Variants in ZNF492 observed in about 807,000 individuals in gnomAD.
The protein encoded by ZNF492 is zinc finger protein 115 (Y20).
ZNF492 carries 3 observed loss-of-function variants against 6.4 expected under a neutral mutation model. That is an observed-to-expected ratio of 0.47 (90% CI 0.21 to 1.22). ZNF492 has a LOEUF of 1.22. ZNF492 is among the 50% of genes most tolerant of loss of function. ZNF492 has a pLI of 0.22. For synonymous variants in ZNF492, 112 were observed against 205.3 expected, an observed-to-expected ratio of 0.55 and a Z score of 3.89; for missense variants, 356 against 612.5, an observed-to-expected ratio of 0.58 and a Z score of 4.42.
intron 1 of ZNF492, among the ~76,000 whole-genome samples, chr19:22,646,092 GC>G (rs1971874748): frequency 6.6e-6 from 1 of 152,030 alleles, no homozygotes; most frequent in Non-Finnish European, 1.5e-5. Flanking sequence ...ATAACATTGA[GC>G]CCATAAATTA....
At chr19:22,654,758 T>C (rs532353193) in intron 3 of ZNF492, among the ~76,000 whole-genome samples, 17 of 151,382 alleles carry the variant, frequency 1.1e-4, no homozygotes, top group African/African-American at 4.1e-4. Context: ...CGAGCCACCA[T>C]GCCTGACTAA....
At chr19:22,659,701 T>A (rs1420726804) in intron 3 of ZNF492, among the ~76,000 whole-genome samples, 2 of 148,076 alleles carry the variant, frequency 1.4e-5, no homozygotes, top group African/African-American at 5.0e-5. Flanking sequence ...AGTCTCACTC[T>A]GTGTCCCAGG....
At chr19:22,648,228 T>A (rs1299482516) in intron 1 of ZNF492, among the ~76,000 whole-genome samples, 1 of 152,194 alleles carries the variant, frequency 6.6e-6, no homozygotes, top group African/African-American at 2.4e-5. Context: ...CAGGAGCAGA[T>A]TGTTCATTTT....
Position 22,634,342 on chromosome 19 carries a change from A to G in ZNF492, c.-226A>G. On this transcript the variant is annotated 5_prime_UTR_variant, in exon 1 of 4. Coordinates refer to ENST00000456783, the MANE Select transcript of ZNF492 (RefSeq NM_020855.3). The stretch of plus-strand genomic sequence containing the variant: ...TGGCGGGGTCTTTGTCTCTCGCTGC[A>G]GTCGGAGTATGGTCTAGTGTTCGCT... 4 of 998,458 alleles carry G rather than the reference A, an allele frequency of 4.0e-6. No homozygotes were observed. Among genetic ancestry groups the G allele is most frequent in the South Asian group, 2.7e-5 (2 of 72,936 alleles). The allele number at this position is 998,458 out of a possible 1,614,324, so 61.8% of individuals were successfully genotyped here. A position where few individuals can be genotyped will look rare whatever the true frequency, so the allele number is the denominator to read the frequency against.
At chr19:22,651,690 T>A (rs1306822316) in intron 1 of ZNF492, among the ~76,000 whole-genome samples, 5 of 152,036 alleles carry the variant, frequency 3.3e-5, no homozygotes, top group Non-Finnish European at 2.9e-5. Context: ...AAGGTGTAGA[T>A]ACTCAAGATT....
intron 3 of ZNF492, among the ~76,000 whole-genome samples, chr19:22,655,209 G>A (rs982797431): frequency 5.9e-5 from 9 of 151,552 alleles, no homozygotes; most frequent in Non-Finnish European, 7.4e-5. Context: ...CGGAAGAATC[G>A]CTTGAACCTG....
At chr19:22,647,257 G>GTTTTTTTTTTTTTTTT (rs777750378) in intron 1 of ZNF492, among the ~76,000 whole-genome samples, 1 of 140,274 alleles carries the variant, frequency 7.1e-6, no homozygotes, top group African/African-American at 2.8e-5. Context: ...TTTGTTTGTT[G>GTTTTTTTTTTTTTTTT]TTGTTTTTTT....
chr19:22,647,314 T>C (rs1760758389), intron 1 of ZNF492, among the ~76,000 whole-genome samples: 1 of 150,288 alleles, frequency 6.7e-6, no homozygotes, highest in South Asian at 2.1e-4. Context: ...TGGAGTGTAA[T>C]TGTGCAGTCC....
chr19:22,635,801 T>C (rs1046539610), intron 1 of ZNF492, among the ~76,000 whole-genome samples: 1 of 152,248 alleles, frequency 6.6e-6, no homozygotes, highest in Non-Finnish European at 1.5e-5. Flanking sequence ...TCATTTTCTT[T>C]CGTAGGACAA....
chr19:22,658,430 C>T (rs1403306181), intron 3 of ZNF492, among the ~76,000 whole-genome samples: 1 of 151,134 alleles, frequency 6.6e-6, no homozygotes, highest in Non-Finnish European at 1.5e-5. Context: ...CTGTACATTT[C>T]AGGCATGTTA....
rs190526596 is a variant in ZNF492 at position 22,648,568 on chromosome 19, T to C, written c.-93-4739T>C. Among the ~76,000 whole-genome samples the C allele has an allele frequency of 3.3e-5, 5 of 152,350 alleles. No homozygotes were observed. The East Asian group carries it at 9.6e-4, about 29-fold the overall frequency. ...AGGTGTTAAAGTCTCCCACTGATTG[T>C]GTGGGCGTCTAAGTCTCTTTGTAGG... On this transcript the variant is annotated intron_variant, in intron 1 of 3. Coordinates refer to ENST00000456783, the MANE Select transcript of ZNF492 (RefSeq NM_020855.3).
chr19:22,641,331 G>A (rs1419622856), intron 1 of ZNF492, among the ~76,000 whole-genome samples: 1 of 152,008 alleles, frequency 6.6e-6, no homozygotes, highest in Non-Finnish European at 1.5e-5. Flanking sequence ...AGAACTTCTT[G>A]GTTCCTGCCT....
chr19:22,653,098 A>G (rs1971958691), intron 1 of ZNF492, among the ~76,000 whole-genome samples: 1 of 150,782 alleles, frequency 6.6e-6, no homozygotes, highest in Admixed American at 6.6e-5. Context: ...ACTTACCTCG[A>G]TGTTGTGGAT....
intron 1 of ZNF492, among the ~76,000 whole-genome samples, chr19:22,639,436 C>T (rs1303396303): frequency 4.0e-5 from 6 of 151,844 alleles, no homozygotes; most frequent in East Asian, 1.9e-4. Flanking sequence ...CTAGGCCTGG[C>T]GCGGTGGCTC....
At chr19:22,640,165 A>AT (rs202184886) in intron 1 of ZNF492, among the ~76,000 whole-genome samples, 29,623 of 146,844 alleles carry the variant, frequency 0.2, 3,851 homozygotes, top group African/African-American at 0.38. Flanking sequence ...TTCATGTGTG[A>AT]TTTTTTTTTT....
rs376430858 is a variant in ZNF492, at chr19:22,667,418, T to C, written c.*2153T>C. The stretch of plus-strand genomic sequence containing the variant: ...TTACTTTTGTTAGTTTTTTCAGGCA[T>C]ATAATATTTATGTTATATATGGCAT... On this transcript the variant is annotated 3_prime_UTR_variant, in exon 4 of 4. Coordinates refer to ENST00000456783, the MANE Select transcript of ZNF492 (RefSeq NM_020855.3). 59 of 152,216 alleles carry C rather than the reference T, an allele frequency of 3.9e-4. No individual in the cohort carries two copies. The East Asian group carries it at 7.7e-3, about 20-fold the overall frequency. 9.4% of individuals were successfully genotyped at this position (152,216 alleles called of 1,614,324 possible).
intron 1 of ZNF492, among the ~76,000 whole-genome samples, chr19:22,640,796 G>A (rs575929833): frequency 6.6e-6 from 1 of 152,156 alleles, no homozygotes; most frequent in East Asian, 1.9e-4. Flanking sequence ...CAGTTTTCAA[G>A]CTTGTTATTT....
chr19:22,645,355 C>CT (rs779163603), intron 1 of ZNF492, among the ~76,000 whole-genome samples: 1 of 152,144 alleles, frequency 6.6e-6, no homozygotes. Flanking sequence ...CCTTTGCTCA[C>CT]TTTTTGATGG....
intron 1 of ZNF492, among the ~76,000 whole-genome samples, chr19:22,635,628 T>C (rs1971753350): frequency 6.6e-6 from 1 of 152,258 alleles, no homozygotes; most frequent in African/African-American, 2.4e-5. Context: ...GAGAATGTTT[T>C]AGTGTCAAGA....
Sources: allele counts gnomAD v4.1 joint callset (sites outside exome capture counted in the v4.1 genomes callset), GRCh38; gene constraint gnomAD v4.1.1; transcripts MANE v1.5; gene names NCBI Gene and HGNC (gene_info 2026-07-23, HGNC 2026-07-21).